Variants in HMGCLL1 observed in about 807,000 individuals in gnomAD.
The protein encoded by HMGCLL1 is 3-hydroxymethyl-3-methylglutaryl-CoA lyase, cytoplasmic.
A neutral mutation model predicts 39.1 loss-of-function variants in HMGCLL1; 36 were observed. The observed-to-expected ratio is 0.92, with a 90% CI of 0.71 to 1.22. The LOEUF (loss-of-function observed/expected upper bound fraction) is 1.22, where lower values mean the gene tolerates loss of function less well. Ranked by LOEUF, HMGCLL1 falls within the 50% of genes most tolerant of loss-of-function variation. The probability of loss-of-function intolerance (pLI) is 0.00; values close to 1 mark genes in which losing one functional copy is unlikely to be tolerated. For synonymous variants in HMGCLL1, 149 were observed against 144.0 expected, an observed-to-expected ratio of 1.03 and a Z score of -0.25; for missense variants, 451 against 416.5, an observed-to-expected ratio of 1.08 and a Z score of -0.72.
the HMGCLL1 span, among the ~76,000 whole-genome samples, chr6:55,600,840 T>C: frequency 6.6e-6 from 1 of 152,100 alleles, no homozygotes; most frequent in African/African-American, 2.4e-5. Flanking sequence ...AAGTTAGATT[T>C]AACTATTGTA....
upstream of HMGCLL1, among the ~76,000 whole-genome samples, chr6:55,582,388 CT>C (rs1179726779): frequency 6.6e-6 from 1 of 152,140 alleles, no homozygotes; most frequent in African/African-American, 2.4e-5. Flanking sequence ...ACAATTCATA[CT>C]GTATAGTCTG....
At chr6:55,553,387 G>A (rs72986078) in intron 1 of HMGCLL1, among the ~76,000 whole-genome samples, 23,952 of 151,342 alleles carry the variant, frequency 0.16, 2,397 homozygotes, top group Admixed American at 0.24. Context: ...GTGGTGAATC[G>A]AAATCAGGCC....
At chr6:55,447,912 A>G (rs1763925399) in intron 7 of HMGCLL1, among the ~76,000 whole-genome samples, 1 of 152,176 alleles carries the variant, frequency 6.6e-6, no homozygotes, top group Non-Finnish European at 1.5e-5. Flanking sequence ...TATGCCGGAC[A>G]TATTACTAAA....
intron 6 of HMGCLL1, among the ~76,000 whole-genome samples, chr6:55,498,171 C>G (rs111915098): frequency 1.7e-3 from 264 of 152,256 alleles, no homozygotes; most frequent in Admixed American, 5.0e-3. Context: ...GAAAGCAAGT[C>G]TGCTGGTAAG....
chr6:55,526,070 C>T (rs757526163), intron 3 of HMGCLL1, among the ~76,000 whole-genome samples: 11 of 151,948 alleles, frequency 7.2e-5, no homozygotes, highest in South Asian at 2.1e-4. Flanking sequence ...GCTGGAACTT[C>T]GTTATCATCT....
chr6:55,621,601 C>G, the HMGCLL1 span, among the ~76,000 whole-genome samples: 2 of 151,872 alleles, frequency 1.3e-5, no homozygotes, highest in African/African-American at 4.8e-5. Flanking sequence ...CTCCCATCAC[C>G]TCCAGATGGG....
At chr6:55,515,514 A>G (rs1767692521) in intron 4 of HMGCLL1, among the ~76,000 whole-genome samples, 1 of 152,144 alleles carries the variant, frequency 6.6e-6, no homozygotes, top group South Asian at 2.1e-4. Context: ...TATAGCGCAA[A>G]AAAGGTAAAT....
At position 55,564,891 on chromosome 6, in the gene HMGCLL1, T is replaced by C. The variant is rs1022455430; in HGVS notation, c.108+14057A>G. Among the ~76,000 whole-genome samples the C allele has an allele frequency of 6.6e-5, 10 of 151,908 alleles. No individual in the cohort carries two copies. The South Asian group carries it at 8.3e-4, about 13-fold the overall frequency. The stretch of plus-strand genomic sequence containing the variant: ...AACTTTACAGAGTCTGAATAACATG[T>C]CTCTGAGAGAAAAGTGATTCATTCA... On this transcript the variant is annotated intron_variant, in intron 1 of 8. Transcript: ENST00000274901.
chr6:55,647,246 C>T, the HMGCLL1 span, among the ~76,000 whole-genome samples: 6 of 151,814 alleles, frequency 4.0e-5, no homozygotes, highest in Non-Finnish European at 8.8e-5. Flanking sequence ...TCCATTTGCA[C>T]AGAATGTCTT....
chr6:55,518,326 T>C (rs1488055973), intron 3 of HMGCLL1, among the ~76,000 whole-genome samples: 1 of 152,118 alleles, frequency 6.6e-6, no homozygotes, highest in African/African-American at 2.4e-5. Context: ...GTATGGCCTA[T>C]AAAAGTCTGG....
At chr6:55,608,655 T>G in the HMGCLL1 span, among the ~76,000 whole-genome samples, 3 of 152,206 alleles carry the variant, frequency 2.0e-5, no homozygotes, top group African/African-American at 7.2e-5. Context: ...AAAAAAGAAC[T>G]ATTTTCCAGT....
intron 7 of HMGCLL1, among the ~76,000 whole-genome samples, chr6:55,442,714 T>C (rs1202713175): frequency 6.6e-6 from 1 of 152,136 alleles, no homozygotes; most frequent in Non-Finnish European, 1.5e-5. Context: ...CCACAACATT[T>C]CTCACATAAT....
At chr6:55,542,192 T>C in intron 1 of HMGCLL1, 52 bp from the exon 2 acceptor site, 1 of 1,225,026 alleles carries the variant, frequency 8.2e-7, no homozygotes, top group Non-Finnish European at 1.2e-6. Context: ...ATTGTTACAT[T>C]TGCTTATTTG....
At chr6:55,678,677 A>G in the HMGCLL1 span, among the ~76,000 whole-genome samples, 1 of 152,268 alleles carries the variant, frequency 6.6e-6, no homozygotes, top group South Asian at 2.1e-4. Context: ...TATTCAGAAA[A>G]ACAATAATCC....
the HMGCLL1 span, among the ~76,000 whole-genome samples, chr6:55,650,926 A>G: frequency 1.3e-5 from 2 of 151,806 alleles, no homozygotes; most frequent in Admixed American, 1.3e-4. Flanking sequence ...TGAGACTCAC[A>G]CTTAAGGGAA....
chr6:55,572,231 A>G (rs1390222125), intron 1 of HMGCLL1, among the ~76,000 whole-genome samples: 1 of 152,184 alleles, frequency 6.6e-6, no homozygotes, highest in Non-Finnish European at 1.5e-5. Context: ...AATGCAAAAG[A>G]TAAGATTGAA....
At chr6:55,650,098 T>TACAC in the HMGCLL1 span, among the ~76,000 whole-genome samples, 1 of 23,346 alleles carries the variant, frequency 4.3e-5, no homozygotes, top group African/African-American at 2.5e-4. Flanking sequence ...TACATATATA[T>TACAC]ATATATATAT....
chr6:55,658,862 CAA>C, the HMGCLL1 span, among the ~76,000 whole-genome samples: 114 of 151,952 alleles, frequency 7.5e-4, 1 homozygote, highest in African/African-American at 2.6e-3. Flanking sequence ...TATAAAGAAG[CAA>C]GCATATTCTA....
the HMGCLL1 span, among the ~76,000 whole-genome samples, chr6:55,664,108 T>C: frequency 6.6e-6 from 1 of 151,864 alleles, no homozygotes; most frequent in Non-Finnish European, 1.5e-5. Context: ...TACCGTTGGG[T>C]CTTGCGTTTT....
Sources: gnomAD v4.1 joint callset for allele counts (sites outside exome capture counted in the v4.1 genomes callset) on GRCh38, gnomAD v4.1.1 for gene constraint, MANE v1.5 for transcripts, NCBI Gene and HGNC (gene_info 2026-07-23, HGNC 2026-07-21) for gene names.